The following ADAM22 variants were observed in gnomAD, a reference collection of about 807,000 sequenced individuals.
The protein encoded by ADAM22 is ADAM metallopeptidase domain 22, also known as disintegrin and metalloproteinase domain-containing protein 22.
ADAM22 carries 65 observed loss-of-function variants against 144.6 expected under a neutral mutation model. That is an observed-to-expected ratio of 0.45 (90% CI 0.37 to 0.55). The LOEUF (loss-of-function observed/expected upper bound fraction) is 0.55, where lower values mean the gene tolerates loss of function less well. Ranked by LOEUF, ADAM22 falls within the 20% of genes least tolerant of loss-of-function variation. ADAM22 has a pLI of 0.00. For synonymous variants in ADAM22, 391 were observed against 412.6 expected, an observed-to-expected ratio of 0.95 and a Z score of 0.63; for missense variants, 974 against 1,184.9, an observed-to-expected ratio of 0.82 and a Z score of 2.61.
intron 2 of ADAM22, among the ~76,000 whole-genome samples, chr7:87,955,844 C>A (rs1018007268): frequency 6.6e-6 from 1 of 152,200 alleles, no homozygotes; most frequent in African/African-American, 2.4e-5. Flanking sequence ...GGCGCCCCTC[C>A]CCCAGCCTCG....
At chr7:88,106,446 G>T (rs1230856207) in intron 4 of ADAM22, among the ~76,000 whole-genome samples, 1 of 152,180 alleles carries the variant, frequency 6.6e-6, no homozygotes, top group Non-Finnish European at 1.5e-5. Context: ...AATGTCTTCA[G>T]TCTGTTACAT....
intron 3 of ADAM22, among the ~76,000 whole-genome samples, chr7:88,049,578 A>G (rs922576914): frequency 1.3e-5 from 2 of 152,094 alleles, no homozygotes; most frequent in Admixed American, 6.6e-5. Context: ...TTGCATTTTT[A>G]GTAGAGACAG....
intron 2 of ADAM22, among the ~76,000 whole-genome samples, chr7:87,959,754 C>A (rs1164425401): frequency 6.6e-6 from 1 of 152,132 alleles, no homozygotes; most frequent in East Asian, 1.9e-4. Flanking sequence ...GTTGAGTCTT[C>A]TGTGAAAATT....
intron 10 of ADAM22, among the ~76,000 whole-genome samples, chr7:88,130,724 C>A (rs1201034353): frequency 2.0e-5 from 3 of 152,126 alleles, no homozygotes; most frequent in Non-Finnish European, 4.4e-5. Context: ...TGTCATACCC[C>A]TAACAAAGGT....
chr7:87,949,761 T>TA (rs1246502744), intron 2 of ADAM22, among the ~76,000 whole-genome samples: 2 of 151,368 alleles, frequency 1.3e-5, no homozygotes, highest in Non-Finnish European at 2.9e-5. Flanking sequence ...TTCTAGTTTT[T>TA]ATCTTACTTT....
chr7:88,166,913 AG>A (rs1239732503), intron 24 of ADAM22, among the ~76,000 whole-genome samples: 1 of 152,086 alleles, frequency 6.6e-6, no homozygotes, highest in Admixed American at 6.6e-5. Context: ...AAAAAAAGGA[AG>A]GGGGGGCAGA....
intron 3 of ADAM22, among the ~76,000 whole-genome samples, chr7:88,012,578 G>A (rs951219797): frequency 6.6e-6 from 1 of 152,130 alleles, no homozygotes; most frequent in Admixed American, 6.5e-5. Context: ...TCCTTGTTGA[G>A]TTTGTGAAAA....
intron 3 of ADAM22, among the ~76,000 whole-genome samples, chr7:87,982,956 G>A (rs1429147146): frequency 2.6e-5 from 4 of 151,606 alleles, no homozygotes; most frequent in Admixed American, 2.6e-4. Flanking sequence ...CTCCCAAAGT[G>A]CTGGGATTAC....
intron 5 of ADAM22, among the ~76,000 whole-genome samples, chr7:88,110,328 G>C (rs1825673018): frequency 6.6e-6 from 1 of 151,956 alleles, no homozygotes; most frequent in Admixed American, 6.6e-5. Flanking sequence ...GTATATTGGG[G>C]GTAAAAAATG....
chr7:88,071,778 T>C (rs935703185), intron 3 of ADAM22, among the ~76,000 whole-genome samples: 5 of 152,186 alleles, frequency 3.3e-5, no homozygotes, highest in Non-Finnish European at 5.9e-5. Flanking sequence ...TTTTTACTTT[T>C]ATATTTCAAA....
intron 3 of ADAM22, among the ~76,000 whole-genome samples, chr7:88,006,144 G>C (rs1793786556): frequency 6.6e-6 from 1 of 151,856 alleles, no homozygotes; most frequent in Admixed American, 6.6e-5. Flanking sequence ...GCTTAACTTT[G>C]TAATTATAAT....
At chr7:87,988,352 T>C (rs558033630) in intron 3 of ADAM22, among the ~76,000 whole-genome samples, 1 of 152,264 alleles carries the variant, frequency 6.6e-6, no homozygotes, top group African/African-American at 2.4e-5. Context: ...AATATAACAC[T>C]ATGGGATTTT....
At chr7:88,112,232 A>C (rs1826241069) in intron 5 of ADAM22, among the ~76,000 whole-genome samples, 1 of 152,260 alleles carries the variant, frequency 6.6e-6, no homozygotes. Flanking sequence ...ATCCAAATTC[A>C]GAAAGTACAT....
At chr7:88,045,888 T>TTGTG (rs59898382) in intron 3 of ADAM22, among the ~76,000 whole-genome samples, 13,480 of 133,792 alleles carry the variant, frequency 0.1, 733 homozygotes, top group East Asian at 0.14. Context: ...TCGTATTCTA[T>TTGTG]TGTGTGTGTG....
chr7:87,964,599 G>A (rs1332120391), intron 2 of ADAM22: 1 of 412,630 alleles, frequency 2.4e-6, no homozygotes, highest in Admixed American at 3.3e-5. Context: ...ATTAGAACGT[G>A]TTTGAAAAAT....
chr7:88,111,035 T>G (rs1179725486), intron 5 of ADAM22, among the ~76,000 whole-genome samples: 1 of 150,348 alleles, frequency 6.7e-6, no homozygotes, highest in East Asian at 2.0e-4. Flanking sequence ...TTTAATTAAG[T>G]AAATTTTATA....
Position 88,200,621 on chromosome 7 carries a change from T to G in ADAM22, c.*4130T>G, listed in dbSNP as rs1217456980. On this transcript the variant is annotated 3_prime_UTR_variant, in exon 32 of 32. Coordinates refer to ENST00000413139, the MANE Select transcript of ADAM22 (RefSeq NM_001324418.2). ...TATATTTTTCCTTTCACTTTTATGT[T>G]TTTTTCTAAAACTGCCACCTAAATA... 2 of 152,242 alleles carry G rather than the reference T, an allele frequency of 1.3e-5. No homozygotes were observed. Among genetic ancestry groups the G allele is most frequent in the Non-Finnish European group, 2.9e-5 (2 of 68,046 alleles). 9.4% of individuals were successfully genotyped at this position (152,242 alleles called of 1,614,324 possible).
intron 17 of ADAM22, 46 bp from the exon 18 acceptor site, chr7:88,148,928 ATTT>A: frequency 7.2e-7 from 1 of 1,382,524 alleles, no homozygotes; most frequent in Non-Finnish European, 1.0e-6. Context: ...ATATTGTAAG[ATTT>A]TTTTTTCTCC....
Position 88,195,004 on chromosome 7 carries a change from T to C in ADAM22, c.2875-1467T>C, listed in dbSNP as rs143399192. On this transcript the variant is annotated intron_variant, in intron 31 of 31. Coordinates refer to ENST00000413139, the MANE Select transcript of ADAM22 (RefSeq NM_001324418.2). ...GCAGACATGGGCATTCAGAACAAGA[T>C]TTCCATGAAGATTTGGGAGAACATA... 8.6e-4 allele frequency among the ~76,000 whole-genome samples: 131 copies of C among 152,310 alleles called. 3 individuals are homozygous for C. In the East Asian group the frequency reaches 0.024, roughly 28 times the overall value.
Sources: allele counts gnomAD v4.1 joint callset (sites outside exome capture counted in the v4.1 genomes callset), GRCh38; gene constraint gnomAD v4.1.1; transcripts MANE v1.5; gene names NCBI Gene and HGNC (gene_info 2026-07-23, HGNC 2026-07-21).